PTPRD: variants seen among roughly 807,000 people sequenced by gnomAD.
The protein encoded by PTPRD is protein tyrosine phosphatase receptor type D.
In PTPRD, 34 loss-of-function variants were observed where a neutral mutation model predicts 214.5. That is an observed-to-expected ratio of 0.16 (90% CI 0.12 to 0.21). The LOEUF (loss-of-function observed/expected upper bound fraction) is 0.21, where lower values mean the gene tolerates loss of function less well. Ranked by LOEUF, PTPRD falls within the 10% of genes least tolerant of loss-of-function variation. The pLI is 1.00. For synonymous variants in PTPRD, 1,128 were observed against 845.7 expected, an observed-to-expected ratio of 1.33 and a Z score of -5.79; for missense variants, 2,545 against 2,398.7, an observed-to-expected ratio of 1.06 and a Z score of -1.27.
At chr9:9,250,598 G>A (rs1457065569) in intron 9 of PTPRD, among the ~76,000 whole-genome samples, 1 of 152,034 alleles carries the variant, frequency 6.6e-6, no homozygotes, top group African/African-American at 2.4e-5. Context: ...TTTACTTAAA[G>A]CCATTCTCAT....
At chr9:9,064,265 T>C (rs1393562975) in intron 10 of PTPRD, among the ~76,000 whole-genome samples, 1 of 152,206 alleles carries the variant, frequency 6.6e-6, no homozygotes, top group Non-Finnish European at 1.5e-5. Context: ...ATACTATGTT[T>C]AGCAGGATTA....
intron 5 of PTPRD, among the ~76,000 whole-genome samples, chr9:9,869,307 A>G (rs2064836574): frequency 6.6e-6 from 1 of 152,192 alleles, no homozygotes; most frequent in Non-Finnish European, 1.5e-5. Flanking sequence ...CATTTAGAAA[A>G]TCACCATTTT....
At chr9:8,761,440 C>T (rs1243157015) in intron 11 of PTPRD, among the ~76,000 whole-genome samples, 1 of 152,042 alleles carries the variant, frequency 6.6e-6, no homozygotes, top group Non-Finnish European at 1.5e-5. Context: ...AGTGACATAC[C>T]ACACAATATG....
chr9:9,866,557 C>G (rs537222594), intron 5 of PTPRD, among the ~76,000 whole-genome samples: 1 of 152,022 alleles, frequency 6.6e-6, no homozygotes, highest in Non-Finnish European at 1.5e-5. Context: ...ATATACATAA[C>G]TATCCGCTCA....
At chr9:8,342,801 CAG>C (rs2132591764) in intron 39 of PTPRD, among the ~76,000 whole-genome samples, 1 of 152,112 alleles carries the variant, frequency 6.6e-6, no homozygotes, top group South Asian at 2.1e-4. Context: ...CTAAAGAGCT[CAG>C]AGTGTATCGA....
chr9:9,947,355 T>TATATATTATATATA (rs1566616258), intron 4 of PTPRD, among the ~76,000 whole-genome samples: 2 of 34,438 alleles, frequency 5.8e-5, no homozygotes, highest in African/African-American at 1.8e-4. Context: ...TAATATATAT[T>TATATATTATATATA]ATATATATTA....
chr9:9,812,204 A>G (rs141714110), intron 5 of PTPRD, among the ~76,000 whole-genome samples: 1 of 152,140 alleles, frequency 6.6e-6, no homozygotes, highest in Non-Finnish European at 1.5e-5. Context: ...TAACTTTTAT[A>G]TTTATGGGAA....
chr9:9,426,183 C>T (rs1340226395), intron 8 of PTPRD, among the ~76,000 whole-genome samples: 1 of 152,128 alleles, frequency 6.6e-6, no homozygotes, highest in Non-Finnish European at 1.5e-5. Context: ...ACAGACAGCA[C>T]CTGGAATATT....
At chr9:9,864,352 G>A (rs924367858) in intron 5 of PTPRD, among the ~76,000 whole-genome samples, 4 of 151,820 alleles carry the variant, frequency 2.6e-5, no homozygotes, top group East Asian at 3.9e-4. Flanking sequence ...AGTTTTGTGG[G>A]ATATACAGAT....
At chr9:8,891,279 A>G (rs1312403587) in intron 11 of PTPRD, among the ~76,000 whole-genome samples, 1 of 151,212 alleles carries the variant, frequency 6.6e-6, no homozygotes, top group Non-Finnish European at 1.5e-5. Flanking sequence ...GACTACAGGC[A>G]CCCGCCACCA....
At chr9:8,922,435 C>T (rs1445974247) in intron 11 of PTPRD, among the ~76,000 whole-genome samples, 4 of 152,212 alleles carry the variant, frequency 2.6e-5, no homozygotes, top group Non-Finnish European at 5.9e-5. Context: ...TATCCCTTAC[C>T]TCCTACGAAT....
At chr9:8,990,112 G>C (rs2154346759) in intron 11 of PTPRD, among the ~76,000 whole-genome samples, 1 of 152,218 alleles carries the variant, frequency 6.6e-6, no homozygotes, top group South Asian at 2.1e-4. Flanking sequence ...AAACTTAACA[G>C]TGCCACAAAA....
At chr9:10,062,402 T>C (rs2097790793) in intron 3 of PTPRD, among the ~76,000 whole-genome samples, 2 of 151,908 alleles carry the variant, frequency 1.3e-5, no homozygotes, top group Non-Finnish European at 2.9e-5. Flanking sequence ...GGTCAGGAGT[T>C]CAAAACCAGC....
chr9:10,470,443 T>C (rs2099022966), intron 2 of PTPRD, among the ~76,000 whole-genome samples: 1 of 152,162 alleles, frequency 6.6e-6, no homozygotes, highest in African/African-American at 2.4e-5. Context: ...AACAGTCTGA[T>C]GCAATCTATA....
At chr9:8,976,919 T>C (rs898158925) in intron 11 of PTPRD, among the ~76,000 whole-genome samples, 4 of 152,078 alleles carry the variant, frequency 2.6e-5, no homozygotes, top group African/African-American at 9.7e-5. Context: ...AACCCTGACT[T>C]TTCTTCAAAG....
In PTPRD at chr9:9,193,719, T is replaced by G. The variant is rs182481727; in HGVS notation, c.-202-10356A>C. Among the ~76,000 whole-genome samples, 10 of 152,228 alleles carry G rather than the reference T, an allele frequency of 6.6e-5. No individual in the cohort carries two copies. In the East Asian group the frequency reaches 1.9e-3, roughly 30 times the overall value. On this transcript the variant is annotated intron_variant, in intron 9 of 45. Transcript: ENST00000381196. The stretch of plus-strand genomic sequence containing the variant: ...AAAATGGTACACCTGTGTAGGGCAC[T>G]TACCATGAATGGAGCTTACAGGACA...
intron 5 of PTPRD, among the ~76,000 whole-genome samples, chr9:9,898,356 C>T (rs1416834822): frequency 6.6e-6 from 1 of 152,040 alleles, no homozygotes; most frequent in Admixed American, 6.6e-5. Flanking sequence ...TAGCTGTTTA[C>T]ATACATGGTA....
At chr9:9,583,609 G>A (rs561561493) in intron 7 of PTPRD, among the ~76,000 whole-genome samples, 1 of 152,018 alleles carries the variant, frequency 6.6e-6, no homozygotes, top group African/African-American at 2.4e-5. Flanking sequence ...ATTATAAATT[G>A]TAACTCCCAG....
chr9:9,270,465 T>C (rs183989494), intron 9 of PTPRD, among the ~76,000 whole-genome samples: 27 of 151,282 alleles, frequency 1.8e-4, no homozygotes, highest in Admixed American at 1.5e-3. Flanking sequence ...AAGAAGTGCA[T>C]GTAACAAAGT....
Sources: gnomAD v4.1 joint callset for allele counts (sites outside exome capture counted in the v4.1 genomes callset) on GRCh38, gnomAD v4.1.1 for gene constraint, MANE v1.5 for transcripts, NCBI Gene and HGNC (gene_info 2026-07-23, HGNC 2026-07-21) for gene names.